Variants in PCDH15 observed in about 807,000 individuals in gnomAD.
PCDH15 encodes protocadherin-15.
In PCDH15, 129 loss-of-function variants were observed where a neutral mutation model predicts 178.5. The observed-to-expected ratio is 0.72, with a 90% CI of 0.63 to 0.84. PCDH15 has a LOEUF of 0.84. PCDH15 is among the 40% of genes least tolerant of loss of function. The pLI is 0.00. For synonymous variants in PCDH15, 800 were observed against 732.0 expected, an observed-to-expected ratio of 1.09 and a Z score of -1.50; for missense variants, 2,230 against 2,099.9, an observed-to-expected ratio of 1.06 and a Z score of -1.21.
At chr10:54,503,942 C>A (rs950963923) in intron 3 of PCDH15, among the ~76,000 whole-genome samples, 1 of 152,050 alleles carries the variant, frequency 6.6e-6, no homozygotes, top group African/African-American at 2.4e-5. Context: ...TGCACAGTGT[C>A]CGGAATTTTC....
intron 2 of PCDH15, among the ~76,000 whole-genome samples, chr10:55,077,442 C>CCTTCCTTCCTTCCTTT: frequency 7.8e-6 from 1 of 127,968 alleles, no homozygotes; most frequent in Admixed American, 8.1e-5. Flanking sequence ...TTCCTTTCTT[C>CCTTCCTTCCTTCCTTT]CTTCCTTCCC....
In PCDH15 at chr10:54,603,144, C is replaced by T. The variant is rs191764102; in HGVS notation, c.91+61028G>A. Among the ~76,000 whole-genome samples the T allele has an allele frequency of 4.2e-4, 64 of 152,064 alleles. 1 individual carries two copies. The highest frequency in any genetic ancestry group is 2.8e-3 in the Admixed American group (43 of 15,230). On this transcript the variant is annotated intron_variant, in intron 2 of 37. Transcript: ENST00000644397. ...CTTTCTAGGAATTTATGTATTACTT[C>T]GCATTTATCTAATTTGTTGGTGTAT... is the stretch of plus-strand genomic sequence containing the variant.
intron 3 of PCDH15, among the ~76,000 whole-genome samples, chr10:54,834,942 A>G (rs987537749): frequency 6.6e-6 from 1 of 152,174 alleles, no homozygotes; most frequent in Non-Finnish European, 1.5e-5. Context: ...CTTTTAAAAA[A>G]TCTGCTGAGG....
intron 3 of PCDH15, among the ~76,000 whole-genome samples, chr10:54,878,233 G>A (rs770992406): frequency 6.6e-6 from 1 of 152,022 alleles, no homozygotes; most frequent in Non-Finnish European, 1.5e-5. Flanking sequence ...AAAGTGCTGG[G>A]ATTACAGGCA....
At chr10:53,998,592 G>T (rs375522140) in intron 20 of PCDH15, among the ~76,000 whole-genome samples, 42 of 151,902 alleles carry the variant, frequency 2.8e-4, no homozygotes, top group African/African-American at 9.9e-4. Context: ...GTTTGTAAAT[G>T]TAATGACAAG....
intron 3 of PCDH15, among the ~76,000 whole-genome samples, chr10:54,405,105 G>A (rs1314789331): frequency 6.6e-6 from 1 of 151,602 alleles, no homozygotes; most frequent in Non-Finnish European, 1.5e-5. Context: ...GATTCCTCAC[G>A]GACCTGAGAA....
chr10:54,422,708 AC>A, intron 3 of PCDH15, among the ~76,000 whole-genome samples: 1 of 152,072 alleles, frequency 6.6e-6, no homozygotes, highest in East Asian at 1.9e-4. Context: ...ATATAAAGTA[AC>A]CACTCAAAGA....
chr10:54,810,401 CTATT>C lies in PCDH15; in HGVS notation c.-29+87045_-29+87048del, dbSNP rs772981169. Among the ~76,000 whole-genome samples the C allele has an allele frequency of 2.6e-4, 39 of 152,134 alleles. 1 individual carries two copies. The East Asian group carries it at 7.2e-3, about 28-fold the overall frequency. On this transcript the variant is annotated intron_variant, in intron 3 of 5. Transcript: ENST00000458638. ...GCGTGGAATATCCTGGCCTAGAGTT[CTATT>C]AAGGAGTGAGTGCCTCTTGCAATAT... is the stretch of plus-strand genomic sequence containing the variant.
At chr10:55,127,182 T>A (rs1837923639) in intron 2 of PCDH15, among the ~76,000 whole-genome samples, 1 of 152,132 alleles carries the variant, frequency 6.6e-6, no homozygotes, top group African/African-American at 2.4e-5. Flanking sequence ...GTAACTTGGA[T>A]GCCACCATTA....
chr10:54,089,616 G>A (rs1240249949), intron 16 of PCDH15, among the ~76,000 whole-genome samples: 1 of 152,090 alleles, frequency 6.6e-6, no homozygotes, highest in East Asian at 1.9e-4. Context: ...GGATGTGTTT[G>A]TAACACATCT....
At chr10:53,823,728 A>ATCAAAGCTACCAACTTCTTATCTTT (rs141140599) in intron 32 of PCDH15, 1 of 462,872 alleles carries the variant, frequency 2.2e-6, no homozygotes, top group African/African-American at 2.0e-5. Context: ...GCAGAACACC[A>ATCAAAGCTACCAACTTCTTATCTTT]TCCTTGCCTG....
At chr10:53,932,836 A>G (rs2085194170) in intron 25 of PCDH15, among the ~76,000 whole-genome samples, 1 of 152,090 alleles carries the variant, frequency 6.6e-6, no homozygotes, top group South Asian at 2.1e-4. Flanking sequence ...TTTTAATCCA[A>G]TCGGGTGCTG....
chr10:53,959,198 G>GTA (rs551122127), intron 23 of PCDH15, among the ~76,000 whole-genome samples: 112 of 147,854 alleles, frequency 7.6e-4, no homozygotes, highest in African/African-American at 2.5e-3. Context: ...TATACACACA[G>GTA]TATATATATA....
At chr10:54,089,108 T>C (rs1026012680) in intron 16 of PCDH15, among the ~76,000 whole-genome samples, 5 of 152,252 alleles carry the variant, frequency 3.3e-5, no homozygotes, top group Admixed American at 6.5e-5. Flanking sequence ...CTAACTCATG[T>C]TTGTAAAATT....
At chr10:54,234,430 G>C (rs2054415193) in intron 9 of PCDH15, among the ~76,000 whole-genome samples, 1 of 152,138 alleles carries the variant, frequency 6.6e-6, no homozygotes, top group South Asian at 2.1e-4. Context: ...GCTCACGCCT[G>C]TAATCCCAGA....
chr10:54,371,431 C>T (rs1947654641), intron 4 of PCDH15, among the ~76,000 whole-genome samples: 1 of 151,670 alleles, frequency 6.6e-6, no homozygotes, highest in Non-Finnish European at 1.5e-5. Flanking sequence ...GAAATTTGAA[C>T]ACTTTTGAGA....
chr10:54,695,572 A>G (rs2095210151), intron 1 of PCDH15, among the ~76,000 whole-genome samples: 1 of 152,266 alleles, frequency 6.6e-6, no homozygotes, highest in East Asian at 1.9e-4. Flanking sequence ...AATACCTTCT[A>G]TGGAAGGATG....
At chr10:54,278,829 A>T (rs1173591663) in intron 8 of PCDH15, among the ~76,000 whole-genome samples, 1 of 151,556 alleles carries the variant, frequency 6.6e-6, no homozygotes, top group Non-Finnish European at 1.5e-5. Context: ...AGGTTATTCT[A>T]TTTGTTCAGC....
chr10:54,408,635 C>A (rs1407524027), intron 3 of PCDH15, among the ~76,000 whole-genome samples: 1 of 152,098 alleles, frequency 6.6e-6, no homozygotes, highest in Non-Finnish European at 1.5e-5. Context: ...TGTTTCTGAA[C>A]CGCATAACTG....
Sources: gnomAD v4.1 joint callset for allele counts (sites outside exome capture counted in the v4.1 genomes callset) on GRCh38, gnomAD v4.1.1 for gene constraint, MANE v1.5 for transcripts, NCBI Gene and HGNC (gene_info 2026-07-23, HGNC 2026-07-21) for gene names.